SPAG16: variants seen among roughly 807,000 people sequenced by gnomAD.
SPAG16 encodes sperm associated antigen 16, also known as sperm-associated antigen 16 protein.
Under a neutral mutation model 80.4 loss-of-function variants are expected in SPAG16, and 86 were observed. The ratio of observed to expected loss-of-function variants is 1.07; its 90% CI spans 0.90 to 1.28. The LOEUF is 1.28. SPAG16 is among the 50% of genes most tolerant of loss of function. The pLI, the probability that SPAG16 is intolerant of heterozygous loss-of-function variation, is 0.00. For missense variants in SPAG16, 870 were observed against 765.3 expected (o/e 1.14, Z -1.61); for synonymous variants, 294 against 265.9 (o/e 1.11, Z -1.03).
intron 8 of SPAG16, among the ~76,000 whole-genome samples, chr2:213,368,639 A>G (rs1010894189): frequency 1.1e-4 from 16 of 152,222 alleles, no homozygotes; most frequent in Non-Finnish European, 2.4e-4. Flanking sequence ...CTGTTTGCAG[A>G]TGACATGATT....
At chr2:214,265,116 C>A (rs949070245) in intron 15 of SPAG16, among the ~76,000 whole-genome samples, 2 of 152,028 alleles carry the variant, frequency 1.3e-5, no homozygotes, top group Admixed American at 6.6e-5. Context: ...TTTGAGTAAA[C>A]GCTTAGAACA....
chr2:214,238,080 T>A (rs1329593300), intron 15 of SPAG16: 1 of 326,072 alleles, frequency 3.1e-6, no homozygotes, highest in East Asian at 9.3e-5. Flanking sequence ...GCATCAAGAA[T>A]ATTTTTTATT....
intron 10 of SPAG16, among the ~76,000 whole-genome samples, chr2:213,652,152 T>C (rs895432176): frequency 1.3e-5 from 2 of 152,216 alleles, no homozygotes; most frequent in African/African-American, 4.8e-5. Context: ...CCAGGTATAC[T>C]ACTTAACTGC....
intron 15 of SPAG16, among the ~76,000 whole-genome samples, chr2:214,272,613 A>G (rs1692118116): frequency 6.6e-6 from 1 of 152,316 alleles, no homozygotes; most frequent in South Asian, 2.1e-4. Flanking sequence ...CCTGCAAAGG[A>G]CATGAACTCA....
rs543979758 is a variant in SPAG16 at position 213,701,219 on chromosome 2, G to A, written c.1071-161266G>A. Among the ~76,000 whole-genome samples the A allele has an allele frequency of 6.7e-4, 101 of 150,542 alleles. 1 individual carries two copies. Among genetic ancestry groups the A allele is most frequent in the African/African-American group, 2.0e-3 (82 of 40,630 alleles). ...TGTGCTACAGCACTCCAACCTAGGC[G>A]ACAGAGAGAGATTCCATCTAAAAAA... is the stretch of plus-strand genomic sequence containing the variant. On this transcript the variant is annotated intron_variant, in intron 10 of 15. Coordinates refer to ENST00000331683, the MANE Select transcript of SPAG16 (RefSeq NM_024532.5).
chr2:214,361,239 C>T (rs924242292), intron 15 of SPAG16, among the ~76,000 whole-genome samples: 5 of 151,688 alleles, frequency 3.3e-5, no homozygotes, highest in African/African-American at 1.2e-4. Flanking sequence ...TAGAAATGGC[C>T]AATAATTTAA....
intron 7 of SPAG16, among the ~76,000 whole-genome samples, chr2:213,361,709 G>A (rs1250765857): frequency 6.6e-6 from 1 of 151,300 alleles, no homozygotes; most frequent in Non-Finnish European, 1.5e-5. Flanking sequence ...GTCAAGTTAT[G>A]ACAAAGGAAC....
rs138729574 is a variant in SPAG16, at chr2:214,126,417, T to A, written c.1593+18156T>A. On this transcript the variant is annotated intron_variant, in intron 14 of 15. Coordinates refer to ENST00000331683, the MANE Select transcript of SPAG16 (RefSeq NM_024532.5). ...CACACCAAGGAGCCATACTTCAGGG[T>A]GTCGTGTTCTGAGCTCCAACAGTGG... Among the ~76,000 whole-genome samples the A allele has an allele frequency of 1.1e-3, 168 of 151,674 alleles. 1 individual carries two copies. Among genetic ancestry groups the A allele is most frequent in the African/African-American group, 4.0e-3 (164 of 41,504 alleles).
chr2:214,003,833 C>T (rs560044026), intron 12 of SPAG16, among the ~76,000 whole-genome samples: 4 of 152,280 alleles, frequency 2.6e-5, no homozygotes, highest in Middle Eastern at 3.4e-3. Flanking sequence ...GACAAATGTA[C>T]GTTCTCTCTA....
At chr2:213,860,351 A>G (rs1195158974) in intron 10 of SPAG16, among the ~76,000 whole-genome samples, 1 of 126,468 alleles carries the variant, frequency 7.9e-6, no homozygotes, top group Admixed American at 8.5e-5. Context: ...AGATATATAT[A>G]TATATATATA....
chr2:213,834,523 C>G (rs890630721), intron 10 of SPAG16, among the ~76,000 whole-genome samples: 10 of 152,258 alleles, frequency 6.6e-5, no homozygotes, highest in African/African-American at 2.4e-4. Context: ...GGCCAAGACC[C>G]ATCTGGAATG....
intron 15 of SPAG16, among the ~76,000 whole-genome samples, chr2:214,275,682 T>C (rs1692412093): frequency 6.6e-6 from 1 of 152,228 alleles, no homozygotes; most frequent in Non-Finnish European, 1.5e-5. Flanking sequence ...TTCTGTTCTT[T>C]TACATTTGGT....
At chr2:213,707,759 A>G (rs2065821747) in intron 10 of SPAG16, among the ~76,000 whole-genome samples, 1 of 152,064 alleles carries the variant, frequency 6.6e-6, no homozygotes, top group Admixed American at 6.6e-5. Flanking sequence ...AGGTGATGGA[A>G]AAAAATCTAA....
At chr2:213,284,771 A>G (rs2061992847) in intron 1 of SPAG16, 152 bp downstream of exon 1, 3 of 1,097,152 alleles carry the variant, frequency 2.7e-6, no homozygotes, top group Non-Finnish European at 3.8e-6. Flanking sequence ...TTGCCACCAC[A>G]GTCTTCCTGA....
At chr2:214,109,064 CT>C (rs1259774383) in intron 14 of SPAG16, among the ~76,000 whole-genome samples, 1 of 152,108 alleles carries the variant, frequency 6.6e-6, no homozygotes, top group Non-Finnish European at 1.5e-5. Context: ...CAAGTTCAGT[CT>C]TTTTGCTCTC....
In SPAG16 at chr2:214,057,821, C is replaced by T. The variant is rs114200909; in HGVS notation, c.1527+43744C>T. Among the ~76,000 whole-genome samples the T allele has an allele frequency of 6.2e-3, 937 of 152,316 alleles. 10 individuals are homozygous for T. The highest frequency in any genetic ancestry group is 0.021 in the African/African-American group (880 of 41,572). ...TCTAGATAACTTGCTGCAACTTCTACATCAGCACTGGCGCTTCACCTTGCA... is the reference window on the plus strand; with the variant it reads ...TCTAGATAACTTGCTGCAACTTCTATATCAGCACTGGCGCTTCACCTTGCA... On this transcript the variant is annotated intron_variant, in intron 13 of 15. Transcript: ENST00000331683.
chr2:214,010,191 CAG>C (rs1372475019), intron 12 of SPAG16, among the ~76,000 whole-genome samples: 2 of 145,364 alleles, frequency 1.4e-5, no homozygotes, highest in Admixed American at 6.7e-5. Flanking sequence ...AACTAGAAAA[CAG>C]AAATAAAAGC....
intron 15 of SPAG16, among the ~76,000 whole-genome samples, chr2:214,272,452 C>T (rs377570248): frequency 6.6e-6 from 1 of 152,244 alleles, no homozygotes; most frequent in East Asian, 1.9e-4. Flanking sequence ...CCCTGCCCCC[C>T]AACCCACAAC....
intron 10 of SPAG16, among the ~76,000 whole-genome samples, chr2:213,674,058 A>G (rs1239301091): frequency 6.6e-6 from 1 of 152,146 alleles, no homozygotes; most frequent in African/African-American, 2.4e-5. Context: ...TTACTTGAGA[A>G]ATATATGTTG....
Sources: gnomAD v4.1 joint callset for allele counts (sites outside exome capture counted in the v4.1 genomes callset) on GRCh38, gnomAD v4.1.1 for gene constraint, MANE v1.5 for transcripts, NCBI Gene and HGNC (gene_info 2026-07-23, HGNC 2026-07-21) for gene names.